The following SIK3 variants were observed in gnomAD, a reference collection of about 807,000 sequenced individuals.
The protein encoded by SIK3 is serine/threonine-protein kinase SIK3.
In SIK3, 28 loss-of-function variants were observed where a neutral mutation model predicts 144.2. The ratio of observed to expected loss-of-function variants is 0.19; its 90% CI spans 0.14 to 0.27. The LOEUF (loss-of-function observed/expected upper bound fraction) is 0.27, where lower values mean the gene tolerates loss of function less well. SIK3 is among the 10% of genes least tolerant of loss of function. The pLI is 1.00. For synonymous variants in SIK3, 686 were observed against 676.3 expected, an observed-to-expected ratio of 1.01 and a Z score of -0.22; for missense variants, 1,319 against 1,776.0, an observed-to-expected ratio of 0.74 and a Z score of 4.62.
Position 116,989,863 on chromosome 11 carries a change from A to G in SIK3, c.274-32799T>C, listed in dbSNP as rs1992727. 7.6e-3 allele frequency among the ~76,000 whole-genome samples: 1,161 copies of G among 152,336 alleles called. 13 individuals are homozygous for G. Among genetic ancestry groups the G allele is most frequent in the African/African-American group, 0.024 (996 of 41,556 alleles). ...AAAGTTTAACTTGAAAAGGTAACTA[A>G]AAACACACATAGGATTTTAGGTTCA... On this transcript the variant is annotated intron_variant, in intron 1 of 24. Coordinates refer to ENST00000445177, the MANE Select transcript of SIK3 (RefSeq NM_001366686.3).
intron 4 of SIK3, among the ~76,000 whole-genome samples, chr11:116,901,745 G>C (rs1202839289): frequency 6.6e-6 from 1 of 152,114 alleles, no homozygotes; most frequent in Non-Finnish European, 1.5e-5. Context: ...ATCTAACAGT[G>C]TTTAACACAG....
Position 117,066,883 on chromosome 11 carries a change from C to T in SIK3, c.273+31260G>A, listed in dbSNP as rs780364508. 5.9e-4 allele frequency among the ~76,000 whole-genome samples: 89 copies of T among 152,010 alleles called. 1 individual carries two copies. Among genetic ancestry groups the T allele is most frequent in the Non-Finnish European group, 9.1e-4 (62 of 68,004 alleles). On this transcript the variant is annotated intron_variant, in intron 1 of 24. Coordinates refer to ENST00000445177, the MANE Select transcript of SIK3 (RefSeq NM_001366686.3). ...CAAAAGATCTGAACAAATGCTTCAC[C>T]AAAGAAGATACACAGCATGAAAATA...
intron 1 of SIK3, among the ~76,000 whole-genome samples, chr11:116,964,448 C>G (rs900878606): frequency 1.3e-5 from 2 of 152,148 alleles, no homozygotes; most frequent in East Asian, 3.8e-4. Context: ...GGAAAATATG[C>G]AGCTGTCAAG....
Position 116,875,282 on chromosome 11 carries a change from A to G in SIK3, c.1318-15T>C, listed in dbSNP as rs1469495449. The G allele has an allele frequency of 6.2e-7, 1 of 1,613,658 alleles. No homozygotes were observed. The highest frequency in any genetic ancestry group is 2.2e-5 in the East Asian group (1 of 44,870). On this transcript the variant is annotated splice_polypyrimidine_tract_variant and intron_variant, in intron 10 of 24. Coordinates refer to ENST00000445177, the MANE Select transcript of SIK3 (RefSeq NM_001366686.3). ...GTCCCATCCGGCTGAGGTGGAGGGAAACACCATCGAGTTAGAAATCAGAAG... is the reference window on the plus strand; with the variant it reads ...GTCCCATCCGGCTGAGGTGGAGGGAGACACCATCGAGTTAGAAATCAGAAG...
chr11:116,852,336 A>G (rs1323825556), intron 21 of SIK3, among the ~76,000 whole-genome samples: 1 of 152,148 alleles, frequency 6.6e-6, no homozygotes, highest in Non-Finnish European at 1.5e-5. Flanking sequence ...TGATGCCTGT[A>G]GGCACCAAGA....
chr11:117,003,291 A>C (rs902214965), intron 1 of SIK3, among the ~76,000 whole-genome samples: 1 of 152,212 alleles, frequency 6.6e-6, no homozygotes, highest in Non-Finnish European at 1.5e-5. Context: ...CTGTTCAAGA[A>C]GCCTTTAGTA....
chr11:116,869,495 T>A (rs1439406082), intron 14 of SIK3: 2 of 152,388 alleles, frequency 1.3e-5, no homozygotes, highest in African/African-American at 4.8e-5. Flanking sequence ...TTAATAACCA[T>A]TGGATAAAGA....
chr11:116,880,013 G>T (rs1482390563), intron 6 of SIK3, among the ~76,000 whole-genome samples: 1 of 152,166 alleles, frequency 6.6e-6, no homozygotes, highest in Non-Finnish European at 1.5e-5. Flanking sequence ...AAGGCCTCTA[G>T]ATGGCACTCT....
rs190422062 is a variant in SIK3, at chr11:116,859,515, C to T, written c.2515G>A (p.Val839Met). 727 of 1,614,158 alleles carry T rather than the reference C, an allele frequency of 4.5e-4. 5 individuals carry two copies. The highest frequency in any genetic ancestry group is 3.1e-3 in the South Asian group (285 of 91,080). ...TGCATACCCAAGCAGGTTAGTGCCA[C>T]GTTGGGAGGAGAGGAACAGTTCTCA... The part of the protein sequence containing the change: ...QPENCSSPPN[V>M]ALTCLGMQQP... Residue 839 changes from valine to methionine, a missense_variant, in exon 20 of 25, where the codon GTG (valine) becomes ATG (methionine). By Grantham distance (21) the Val-to-Met change is conservative (BLOSUM62 1). Around this residue, in one of 8 missense-constraint regions of SIK3, gnomAD observed 646 missense variants for 763.7 expected, o/e 0.85. Coordinates refer to ENST00000445177, the MANE Select transcript of SIK3 (RefSeq NM_001366686.3).
chr11:116,849,265 C>G lies in SIK3; in HGVS notation c.3674G>C (p.Cys1225Ser). 1 of 1,614,190 alleles carries G rather than the reference C, an allele frequency of 6.2e-7. No homozygotes were observed. Among genetic ancestry groups the G allele is most frequent in the Non-Finnish European group, 8.5e-7 (1 of 1,180,024 alleles). The part of the protein sequence containing the change: ...VPSREPVIGN[C>S]MDRSSPGQAV... Reference sequence around the variant, plus strand: ...TTGTCCTGGAGAACTTCTATCCATGCAGTTCCCTATGACAGGCTCTGAGGA... The same window carrying G: ...TTGTCCTGGAGAACTTCTATCCATGGAGTTCCCTATGACAGGCTCTGAGGA... Residue 1225 changes from cysteine to serine, a missense_variant, in exon 22 of 25, where the codon TGC (cysteine) becomes TCC (serine). Around this residue, in one of 8 missense-constraint regions of SIK3, gnomAD observed 646 missense variants for 763.7 expected, o/e 0.85. Coordinates refer to ENST00000445177, the MANE Select transcript of SIK3 (RefSeq NM_001366686.3). The surrounding 1 kb of genome is among the most constrained non-coding windows in gnomAD (Gnocchi z 4.2).
chr11:116,953,947 G>C (rs1014807193), intron 3 of SIK3, 97 bp downstream of exon 3: 1 of 853,780 alleles, frequency 1.2e-6, no homozygotes. Flanking sequence ...ACAGCATCAA[G>C]TGACTGCTGC....
At chr11:116,943,986 G>A (rs1948445958) in intron 3 of SIK3, among the ~76,000 whole-genome samples, 1 of 151,454 alleles carries the variant, frequency 6.6e-6, no homozygotes, top group Non-Finnish European at 1.5e-5. Flanking sequence ...ATTTCAGAAT[G>A]TAATCAATAA....
At chr11:116,886,463 T>C (rs989987567) in intron 6 of SIK3, among the ~76,000 whole-genome samples, 2 of 152,196 alleles carry the variant, frequency 1.3e-5, no homozygotes, top group African/African-American at 4.8e-5. Context: ...GTAGAAGCTT[T>C]TTGGCAGTAG....
rs1429816164 is a variant in SIK3, at chr11:116,845,379, C to A, written c.*264G>T. 1 of 152,188 alleles carries A rather than the reference C, an allele frequency of 6.6e-6. No individual in the cohort carries two copies. The highest frequency in any genetic ancestry group is 1.5e-5 in the Non-Finnish European group (1 of 68,034). The allele number at this position is 152,188 out of a possible 1,614,324, so 9.4% of individuals were successfully genotyped here. On this transcript the variant is annotated 3_prime_UTR_variant, in exon 25 of 25. Transcript: ENST00000445177. ...CCCAAACAAAACAAAAAACCACCAA[C>A]TCAAATATACTTTCACAAAAGATGG... is the stretch of plus-strand genomic sequence containing the variant.
chr11:116,932,768 T>A (rs959275125), intron 3 of SIK3, among the ~76,000 whole-genome samples: 1 of 152,190 alleles, frequency 6.6e-6, no homozygotes, highest in African/African-American at 2.4e-5. Flanking sequence ...AATCATACAG[T>A]CGGCGACCTT....
intron 4 of SIK3, among the ~76,000 whole-genome samples, chr11:116,904,554 T>C (rs927650865): frequency 6.6e-5 from 10 of 152,228 alleles, no homozygotes; most frequent in Non-Finnish European, 1.3e-4. Context: ...TTATAACCTT[T>C]GGCTCATGAC....
chr11:116,903,441 T>G (rs959658407), intron 4 of SIK3, among the ~76,000 whole-genome samples: 3 of 152,042 alleles, frequency 2.0e-5, no homozygotes, highest in Non-Finnish European at 4.4e-5. Context: ...GTTATCTACA[T>G]GTATAGACAA....
rs370701071 is a variant in SIK3, at chr11:116,897,132, A to G, written c.741+61T>C. Reference sequence around the variant, plus strand: ...TCATTATGTATCCTTCAGGATGCGAATAGCTGTCATCAACCAAGGGTAGCT... The same window carrying G: ...TCATTATGTATCCTTCAGGATGCGAGTAGCTGTCATCAACCAAGGGTAGCT... On this transcript the variant is annotated intron_variant, in intron 5 of 24. Transcript: ENST00000445177. 1.2e-3 allele frequency: 1,908 copies of G among 1,560,450 alleles called. 6 individuals carry two copies. The Middle Eastern group carries it at 0.024, about 20-fold the overall frequency.
Position 117,083,354 on chromosome 11 carries a change from A to G in SIK3, c.273+14789T>C, listed in dbSNP as rs551543257. ...CTGTGAAATCCTTTAAAGAGATCCT[A>G]AAGTACCATCCCAACATTTAATTAC... On this transcript the variant is annotated intron_variant, in intron 1 of 24. Transcript: ENST00000445177. 9.8e-5 allele frequency among the ~76,000 whole-genome samples: 15 copies of G among 152,330 alleles called. No homozygotes were observed. The South Asian group carries it at 2.5e-3, about 25-fold the overall frequency.
Sources: allele counts gnomAD v4.1 joint callset (sites outside exome capture counted in the v4.1 genomes callset), GRCh38; gene constraint gnomAD v4.1.1; regional missense constraint gnomAD v4.1.1; non-coding constraint Gnocchi (gnomAD v3.1); transcripts MANE v1.5; gene names NCBI Gene and HGNC (gene_info 2026-07-23, HGNC 2026-07-21).